The following HLA-F variants were observed in gnomAD, a reference collection of about 807,000 sequenced individuals.
HLA-F encodes HLA class I histocompatibility antigen, alpha chain F.
HLA-F carries 46 observed loss-of-function variants against 49.5 expected under a neutral mutation model. The observed-to-expected ratio is 0.93, with a 90% CI of 0.73 to 1.19. The LOEUF (loss-of-function observed/expected upper bound fraction) is 1.19. HLA-F is among the 50% of genes most tolerant of loss of function. The pLI is 0.00. For synonymous variants in HLA-F, 203 were observed against 233.5 expected, an observed-to-expected ratio of 0.87 and a Z score of 1.19; for missense variants, 496 against 579.6, an observed-to-expected ratio of 0.86 and a Z score of 1.48.
chr6:29,723,989 G>A, intron 2 of HLA-F, 62 bp downstream of exon 2: 1 of 1,558,406 alleles, frequency 6.4e-7, no homozygotes, highest in Non-Finnish European at 8.7e-7. Context: ...GGACCGCCCG[G>A]GTCCCTCAGA....
At chr6:29,734,721 A>G (rs1230107454) in intron 3 of HLA-F, among the ~76,000 whole-genome samples, 1 of 152,146 alleles carries the variant, frequency 6.6e-6, no homozygotes, top group African/African-American at 2.4e-5. Flanking sequence ...TGCAGTGACA[A>G]TTAGTAGGTT....
chr6:29,723,707 C>T lies in HLA-F; in HGVS notation c.114C>T (p.Arg38=). 1 of 1,611,584 alleles carries T rather than the reference C, an allele frequency of 6.2e-7. No homozygotes were observed. The highest frequency in any genetic ancestry group is 2.2e-5 in the East Asian group (1 of 44,882). Residue 38 remains arginine, a synonymous_variant, in exon 2 of 7, where the codon CGC becomes CGT. Coordinates refer to ENST00000259951, the MANE Select transcript of HLA-F (RefSeq NM_001098479.2). ...YFSTAVSRPG[R]GEPRYIAVEY... is the part of the protein sequence containing the mutation. ...GCACCGCTGTGTCGCGGCCCGGCCG[C>T]GGGGAGCCCCGCTACATCGCCGTGG...
At chr6:29,731,185 T>G (rs1007513081), downstream of HLA-F, among the ~76,000 whole-genome samples, 1 of 151,994 alleles carries the variant, frequency 6.6e-6, no homozygotes, top group African/African-American at 2.4e-5. Flanking sequence ...TGTCTGTTGG[T>G]GTATCAGGGT....
intron 4 of HLA-F, 66 bp downstream of exon 4, chr6:29,725,372 C>G: frequency 1.2e-6 from 2 of 1,609,632 alleles, no homozygotes; most frequent in East Asian, 4.5e-5. Flanking sequence ...AAGCAGGAGC[C>G]CTTCTGGAGC....
At chr6:29,726,673 G>A in intron 6 of HLA-F, 1 of 1,450,470 alleles carries the variant, frequency 6.9e-7, no homozygotes, top group East Asian at 2.3e-5. Context: ...CTCAGTTTAG[G>A]TGATCCCAAT....
At chr6:29,734,098 C>A (rs560530993) in intron 3 of HLA-F, among the ~76,000 whole-genome samples, 1 of 152,096 alleles carries the variant, frequency 6.6e-6, no homozygotes, top group African/African-American at 2.4e-5. Context: ...AACTGAGAAC[C>A]CTGGAAGGTT....
intron 3 of HLA-F, among the ~76,000 whole-genome samples, chr6:29,732,502 T>C (rs1776713424): frequency 6.6e-6 from 1 of 152,134 alleles, no homozygotes; most frequent in African/African-American, 2.4e-5. Context: ...TGGAGTACAG[T>C]GGCAGTGATC....
In HLA-F at chr6:29,726,897, A is replaced by T; in HGVS notation, c.1051A>T (p.Ser351Cys). Residue 351 changes from serine to cysteine, a missense_variant, in exon 7 of 7, where the codon AGC becomes TGC. Transcript: ENST00000259951. ...YSQAAAYSVVSGNLMITWWSS... is the reference protein window; with the variant it reads ...YSQAAAYSVVCGNLMITWWSS... ...CTTCTTCACAGCCTACTCAGTGGTC[A>T]GCGGAAACTTGATGATAACATGGTG... 1 of 1,603,982 alleles carries T rather than the reference A, an allele frequency of 6.2e-7. No homozygotes were observed. The highest frequency in any genetic ancestry group is 2.2e-5 in the East Asian group (1 of 44,886).
chr6:29,729,808 A>C (rs927993683), downstream of HLA-F, among the ~76,000 whole-genome samples: 1 of 152,246 alleles, frequency 6.6e-6, no homozygotes, highest in African/African-American at 2.4e-5. Flanking sequence ...CAGAAAAACA[A>C]ACAATCTCAT....
In HLA-F at chr6:29,733,828, T is replaced by C. The variant is rs188646148; in HGVS notation, c.404-4294T>C. Among the ~76,000 whole-genome samples the C allele has an allele frequency of 2.2e-3, 339 of 152,302 alleles. 1 individual carries two copies. Among genetic ancestry groups the C allele is most frequent in the South Asian group, 5.2e-3 (25 of 4,822 alleles). On this transcript the variant is annotated intron_variant, in intron 3 of 4. Coordinates refer to the HLA-F transcript ENST00000465459. ...AAGTCAATGCTAAGAATACCATCAA[T>C]TTATAAAATACTGATTATCTCATTT...
At chr6:29,726,559 ATGTGTG>A (rs9278276) in intron 6 of HLA-F, 1,659 of 1,341,120 alleles carry the variant, frequency 1.2e-3, no homozygotes, top group South Asian at 2.2e-3. Flanking sequence ...ATGCACGTAA[ATGTGTG>A]TGTGTGTGTG....
At chr6:29,730,300 G>T (rs968243831), downstream of HLA-F, among the ~76,000 whole-genome samples, 4 of 152,162 alleles carry the variant, frequency 2.6e-5, no homozygotes, top group African/African-American at 9.7e-5. Flanking sequence ...GAAACAAAAA[G>T]ACAAATATAA....
In HLA-F at chr6:29,726,995, C is replaced by T; in HGVS notation, c.1149C>T (p.Gly383=). 6.2e-7 allele frequency: 1 copy of T among 1,613,386 alleles called. No homozygotes were observed. Among genetic ancestry groups the T allele is most frequent in the Non-Finnish European group, 8.5e-7 (1 of 1,180,018 alleles). The change falls in exon 7 of 7, where the codon GGC becomes GGT. Residue 383 remains glycine (G), a synonymous_variant. Transcript: ENST00000259951. ...GCCTCCGGAGTCACAGTGTCTTGGG[C>T]CGCCGGAAGGTGGGTGACATGTGGA... The part of the protein sequence containing the change: ...LGCLRSHSVL[G]RRKVGDMWIL...
At chr6:29,723,576 G>A in intron 1 of HLA-F, 49 bp downstream of exon 1, 4 of 1,598,574 alleles carry the variant, frequency 2.5e-6, no homozygotes, top group East Asian at 2.2e-5. Context: ...AGGAGTGAGG[G>A]GCCCGCCCGG....
downstream of HLA-F, chr6:29,729,477 C>A (rs1046466960): frequency 6.6e-6 from 1 of 152,132 alleles, no homozygotes; most frequent in African/African-American, 2.4e-5. Context: ...ACACCATATT[C>A]AAAAATTAAC....
chr6:29,726,901 G>C lies in HLA-F; in HGVS notation c.1055G>C (p.Gly352Ala). ...SQAAAYSVVS[G>A]NLMITWWSSL... ...TTCACAGCCTACTCAGTGGTCAGCG[G>C]AAACTTGATGATAACATGGTGGTCA... is the stretch of plus-strand genomic sequence containing the variant. The change falls in exon 7 of 7, where the codon GGA (glycine) becomes GCA (alanine). Residue 352 changes from glycine (G) to alanine (A), a missense_variant. Transcript: ENST00000259951. 1 of 1,604,596 alleles carries C rather than the reference G, an allele frequency of 6.2e-7. No homozygotes were observed. The highest frequency in any genetic ancestry group is 1.7e-5 in the Admixed American group (1 of 60,014).
At chr6:29,727,935 C>G (rs2127591964), downstream of HLA-F, 1 of 518,212 alleles carries the variant, frequency 1.9e-6, no homozygotes, top group South Asian at 1.4e-5. Flanking sequence ...GTATCTACTT[C>G]CGGATCACTT....
chr6:29,729,101 A>G (rs1394033992), downstream of HLA-F: 1 of 152,196 alleles, frequency 6.6e-6, no homozygotes, highest in East Asian at 1.9e-4. Flanking sequence ...TATGCAATAA[A>G]CATAAGCCAT....
downstream of HLA-F, among the ~76,000 whole-genome samples, chr6:29,731,374 G>T (rs1322079671): frequency 6.6e-6 from 1 of 152,194 alleles, no homozygotes; most frequent in Non-Finnish European, 1.5e-5. Flanking sequence ...AACCAAGGAA[G>T]ACAGTAGCCT....
Sources: allele counts gnomAD v4.1 joint callset (sites outside exome capture counted in the v4.1 genomes callset), GRCh38; gene constraint gnomAD v4.1.1; transcripts MANE v1.5; gene names NCBI Gene and HGNC (gene_info 2026-07-23, HGNC 2026-07-21).